The following ST6GALNAC3 variants were observed in gnomAD, a reference collection of about 807,000 sequenced individuals.
The protein encoded by ST6GALNAC3 is alpha-N-acetylgalactosaminide alpha-2,6-sialyltransferase 3.
A neutral mutation model predicts 32.7 loss-of-function variants in ST6GALNAC3; 25 were observed. The ratio of observed to expected loss-of-function variants is 0.76; its 90% CI spans 0.56 to 1.07. The LOEUF (loss-of-function observed/expected upper bound fraction) is 1.07. Among genes scored for constraint, ST6GALNAC3 ranks in the 50% least tolerant of loss-of-function variants. The probability of loss-of-function intolerance (pLI) is 0.00; values close to 1 mark genes in which losing one functional copy is unlikely to be tolerated. For missense variants in ST6GALNAC3, 355 were observed against 382.4 expected (o/e 0.93, Z 0.60); for synonymous variants, 129 against 133.1 (o/e 0.97, Z 0.21).
intron 3 of ST6GALNAC3, among the ~76,000 whole-genome samples, chr1:76,557,520 A>G (rs1664999443): frequency 6.6e-6 from 1 of 152,076 alleles, no homozygotes; most frequent in Non-Finnish European, 1.5e-5. Context: ...ATTACCTACC[A>G]TGCATCTAAA....
intron 3 of ST6GALNAC3, among the ~76,000 whole-genome samples, chr1:76,480,089 A>G (rs1330496728): frequency 1.3e-5 from 2 of 152,314 alleles, no homozygotes; most frequent in African/African-American, 4.8e-5. Flanking sequence ...AATAATAGAG[A>G]AAGATTATTT....
At chr1:76,268,393 G>C (rs1297513521) in intron 1 of ST6GALNAC3, among the ~76,000 whole-genome samples, 1 of 152,210 alleles carries the variant, frequency 6.6e-6, no homozygotes, top group Non-Finnish European at 1.5e-5. Flanking sequence ...AGCAGATGCA[G>C]TGTGTTTCAC....
At chr1:76,306,285 A>G (rs1422852641) in intron 1 of ST6GALNAC3, among the ~76,000 whole-genome samples, 1 of 152,050 alleles carries the variant, frequency 6.6e-6, no homozygotes, top group Non-Finnish European at 1.5e-5. Context: ...TTGACAGTCA[A>G]TTGTATAGAC....
chr1:76,530,693 C>G (rs1214614354), intron 3 of ST6GALNAC3, among the ~76,000 whole-genome samples: 1 of 152,152 alleles, frequency 6.6e-6, no homozygotes, highest in Non-Finnish European at 1.5e-5. Context: ...GTTTCTGTCT[C>G]TTGAAACTTA....
intron 2 of ST6GALNAC3, among the ~76,000 whole-genome samples, chr1:76,401,783 G>T (rs1013105506): frequency 6.6e-6 from 1 of 152,138 alleles, no homozygotes; most frequent in Admixed American, 6.5e-5. Context: ...TTTATTTTCA[G>T]TTCAGACTTA....
At chr1:76,213,631 G>A (rs191226229) in intron 1 of ST6GALNAC3, among the ~76,000 whole-genome samples, 5 of 152,286 alleles carry the variant, frequency 3.3e-5, no homozygotes, top group Admixed American at 3.3e-4. Context: ...TCACAGAGAT[G>A]TGCTAATTTA....
At chr1:76,422,212 G>C (rs904328367) in intron 3 of ST6GALNAC3, among the ~76,000 whole-genome samples, 4 of 151,932 alleles carry the variant, frequency 2.6e-5, no homozygotes, top group Admixed American at 6.6e-5. Context: ...AAATGACCTA[G>C]AGGTGGAAAA....
chr1:76,292,797 CA>C (rs1310156229), intron 1 of ST6GALNAC3, among the ~76,000 whole-genome samples: 1 of 152,144 alleles, frequency 6.6e-6, no homozygotes, highest in Non-Finnish European at 1.5e-5. Flanking sequence ...CCCCACATGT[CA>C]GTTATGCACA....
chr1:76,327,805 G>T (rs1464812312), intron 2 of ST6GALNAC3, among the ~76,000 whole-genome samples: 1 of 151,986 alleles, frequency 6.6e-6, no homozygotes, highest in South Asian at 2.1e-4. Context: ...GGCCAAGCTG[G>T]TCTCAAACTC....
intron 2 of ST6GALNAC3, among the ~76,000 whole-genome samples, chr1:76,348,941 C>A (rs886083443): frequency 6.6e-6 from 1 of 152,018 alleles, no homozygotes; most frequent in African/African-American, 2.4e-5. Flanking sequence ...GTAATGAAAA[C>A]CATTAGTTTT....
intron 3 of ST6GALNAC3, among the ~76,000 whole-genome samples, chr1:76,590,839 T>G (rs1647036446): frequency 6.6e-6 from 1 of 152,202 alleles, no homozygotes; most frequent in Non-Finnish European, 1.5e-5. Context: ...AAAGTGCATA[T>G]GATAACAGGG....
At chr1:76,453,751 TG>T (rs1657571470) in intron 3 of ST6GALNAC3, among the ~76,000 whole-genome samples, 1 of 152,182 alleles carries the variant, frequency 6.6e-6, no homozygotes, top group Non-Finnish European at 1.5e-5. Context: ...ATGTATATTC[TG>T]TAGTTCTTGG....
At chr1:76,195,347 T>C (rs1254718340) in intron 1 of ST6GALNAC3, among the ~76,000 whole-genome samples, 1 of 152,238 alleles carries the variant, frequency 6.6e-6, no homozygotes, top group Non-Finnish European at 1.5e-5. Context: ...CAAGTGCTTT[T>C]CCTTGTGACA....
At chr1:76,160,026 A>G (rs557034838) in intron 1 of ST6GALNAC3, among the ~76,000 whole-genome samples, 1 of 152,306 alleles carries the variant, frequency 6.6e-6, no homozygotes, top group African/African-American at 2.4e-5. Flanking sequence ...CAGAATGCAT[A>G]GCTCTTTGTA....
intron 3 of ST6GALNAC3, among the ~76,000 whole-genome samples, chr1:76,562,144 G>A (rs1665280758): frequency 6.6e-6 from 1 of 152,104 alleles, no homozygotes; most frequent in African/African-American, 2.4e-5. Context: ...GTTTCTCCTT[G>A]GGCTGATGAA....
At chr1:76,421,285 C>T (rs1034743111) in intron 3 of ST6GALNAC3, among the ~76,000 whole-genome samples, 44 of 152,158 alleles carry the variant, frequency 2.9e-4, no homozygotes, top group African/African-American at 1.1e-3. Context: ...AGAGAGACCA[C>T]GTCTTACTTT....
Position 76,509,575 on chromosome 1 carries a change from C to T in ST6GALNAC3, c.623+97158C>T, listed in dbSNP as rs188002077. 3.2e-4 allele frequency among the ~76,000 whole-genome samples: 48 copies of T among 152,286 alleles called. No individual in the cohort carries two copies. Among genetic ancestry groups the T allele is most frequent in the Admixed American group, 2.1e-3 (32 of 15,302 alleles). On this transcript the variant is annotated intron_variant, in intron 3 of 4. Transcript: ENST00000328299. The surrounding 1 kb of genome is among the most constrained non-coding windows in gnomAD (Gnocchi z 5.5). ...AGGGGAATGTGTTAGTTTTCTATTGCTGCTATAACAAATTATCACCAACTT... is the reference window on the plus strand; with the variant it reads ...AGGGGAATGTGTTAGTTTTCTATTGTTGCTATAACAAATTATCACCAACTT...
intron 1 of ST6GALNAC3, among the ~76,000 whole-genome samples, chr1:76,171,850 AAAAC>A (rs1652530929): frequency 9.0e-6 from 1 of 110,654 alleles, no homozygotes; most frequent in Non-Finnish European, 2.0e-5. Context: ...AAAACACAGA[AAAAC>A]AAAACAGGAC....
At chr1:76,350,485 A>T (rs1285113647) in intron 2 of ST6GALNAC3, among the ~76,000 whole-genome samples, 4 of 152,260 alleles carry the variant, frequency 2.6e-5, no homozygotes, top group African/African-American at 9.6e-5. Context: ...GAAAAAGAAC[A>T]TGAAAATGTC....
Sources: gnomAD v4.1 joint callset for allele counts (sites outside exome capture counted in the v4.1 genomes callset) on GRCh38, gnomAD v4.1.1 for gene constraint, Gnocchi (gnomAD v3.1) non-coding constraint, MANE v1.5 for transcripts, NCBI Gene and HGNC (gene_info 2026-07-23, HGNC 2026-07-21) for gene names.